The following ITGB2 variants were observed in gnomAD, a reference collection of about 807,000 sequenced individuals.
ITGB2 encodes integrin subunit beta 2.
A neutral mutation model predicts 86.8 loss-of-function variants in ITGB2; 56 were observed. The ratio of observed to expected loss-of-function variants is 0.65; its 90% CI spans 0.52 to 0.81. The LOEUF is 0.81. ITGB2 is among the 30% of genes least tolerant of loss of function. The probability of loss-of-function intolerance (pLI) is 0.00; values close to 1 mark genes in which losing one functional copy is unlikely to be tolerated. For synonymous variants in ITGB2, 457 were observed against 450.4 expected (o/e 1.01, Z -0.19); for missense variants, 948 against 1,061.2 (o/e 0.89, Z 1.48).
Position 44,899,894 on chromosome 21 carries a change from G to A in ITGB2, c.897+426C>T, listed in dbSNP as rs538333121. Reference sequence around the variant, plus strand: ...AGGGAGGGGCCACACTGGAGGAGGCGGACTCAGGGGCAGCAGGGAACGTAC... The same window carrying A: ...AGGGAGGGGCCACACTGGAGGAGGCAGACTCAGGGGCAGCAGGGAACGTAC... On this transcript the variant is annotated intron_variant, in intron 7 of 15. Coordinates refer to ENST00000652462, the MANE Select transcript of ITGB2 (RefSeq NM_000211.5). Among the ~76,000 whole-genome samples, 13 of 152,348 alleles carry A rather than the reference G, an allele frequency of 8.5e-5. No homozygotes were observed. The South Asian group carries it at 1.2e-3, about 15-fold the overall frequency.
chr21:44,889,626 C>T (rs917146758), intron 12 of ITGB2, 131 bp from the exon 13 acceptor site: 40 of 928,520 alleles, frequency 4.3e-5, no homozygotes, highest in Non-Finnish European at 6.5e-5. Flanking sequence ...GAGCAAAAGG[C>T]ATGGGGCCAC....
chr21:44,917,212 G>A (rs59764913), intron 1 of ITGB2, among the ~76,000 whole-genome samples: 6,631 of 152,218 alleles, frequency 0.044, 224 homozygotes, highest in Middle Eastern at 0.1. Context: ...ATGCTTTGGC[G>A]GTTTCGGTGC....
intron 4 of ITGB2, among the ~76,000 whole-genome samples, chr21:44,905,491 C>A (rs952436757): frequency 6.6e-6 from 1 of 152,216 alleles, no homozygotes; most frequent in African/African-American, 2.4e-5. Context: ...TTCCTGACAC[C>A]TCCAGCACCA....
intron 6 of ITGB2, 80 bp from the exon 7 acceptor site, chr21:44,900,555 G>C (rs1376615340): frequency 3.2e-6 from 5 of 1,565,436 alleles, no homozygotes; most frequent in Non-Finnish European, 4.4e-6. Context: ...AGACGATGCA[G>C]AGCTGGTGGG....
intron 7 of ITGB2, 101 bp downstream of exon 7, chr21:44,900,219 T>G: frequency 6.8e-7 from 1 of 1,476,022 alleles, no homozygotes; most frequent in Non-Finnish European, 9.4e-7. Context: ...ATCTGCTCCT[T>G]GGGTCAGAAG....
chr21:44,922,664 A>G (rs1024307946), upstream of ITGB2, among the ~76,000 whole-genome samples: 18 of 151,606 alleles, frequency 1.2e-4, no homozygotes, highest in African/African-American at 3.1e-4. Flanking sequence ...CTGAGAAAAA[A>G]AAAAAAAAAA....
chr21:44,922,658 G>GAAAAAAAAAAAAAAAAAAAAAAAAAAAA (rs10532717), upstream of ITGB2, among the ~76,000 whole-genome samples: 2 of 114,706 alleles, frequency 1.7e-5, no homozygotes, highest in Admixed American at 8.7e-5. Flanking sequence ...GGGTAACTGA[G>GAAAAAAAAAAAAAAAAAAAAAAAAAAAA]AAAAAAAAAA....
At chr21:44,893,271 G>C in intron 10 of ITGB2, 133 bp downstream of exon 10, 1 of 1,088,946 alleles carries the variant, frequency 9.2e-7, no homozygotes, top group Non-Finnish European at 1.4e-6. Context: ...TCAGAGTGCT[G>C]GGATGGGGAC....
intron 8 of ITGB2, among the ~76,000 whole-genome samples, 199 bp downstream of exon 8, chr21:44,898,868 C>A (rs2083905968): frequency 6.6e-6 from 1 of 152,220 alleles, no homozygotes; most frequent in Non-Finnish European, 1.5e-5. Context: ...GGAATTCCTC[C>A]TCCTATCGAC....
At chr21:44,894,833 G>A (rs1458672831) in intron 9 of ITGB2, 138 bp downstream of exon 9, 16 of 716,556 alleles carry the variant, frequency 2.2e-5, no homozygotes, top group East Asian at 1.9e-4. Flanking sequence ...AGGGCAGGTC[G>A]GGAGGCTGCA....
At chr21:44,903,315 C>T (rs2083992385) in intron 5 of ITGB2, 50 bp downstream of exon 5, 3 of 1,610,570 alleles carry the variant, frequency 1.9e-6, no homozygotes, top group Non-Finnish European at 2.5e-6. Flanking sequence ...GCAGGAGTGG[C>T]CAGGGTCTGG....
rs34031498 is a variant in ITGB2 at position 44,902,808 on chromosome 21, TTG to T, written c.499+555_499+556del. Among the ~76,000 whole-genome samples the T allele has an allele frequency of 7.2e-4, 109 of 151,970 alleles. 1 individual carries two copies. Among genetic ancestry groups the T allele is most frequent in the African/African-American group, 2.5e-3 (102 of 41,486 alleles). The stretch of plus-strand genomic sequence containing the variant: ...TGCATTTGTGTGAGCATGCATTTGC[TTG>T]TGTGTGTGTGTGTTATCGTGCATGT... On this transcript the variant is annotated intron_variant, in intron 5 of 15. Coordinates refer to ENST00000652462, the MANE Select transcript of ITGB2 (RefSeq NM_000211.5).
chr21:44,889,682 C>T (rs1004371467), intron 12 of ITGB2, among the ~76,000 whole-genome samples, 187 bp from the exon 13 acceptor site: 1 of 152,202 alleles, frequency 6.6e-6, no homozygotes, highest in Non-Finnish European at 1.5e-5. Flanking sequence ...CGCCTCCTGG[C>T]CAGTCTGGAC....
At position 44,917,218 on chromosome 21, in the gene ITGB2, G is replaced by A. The variant is rs572344820; in HGVS notation, c.-4+3603C>T. 1.6e-4 allele frequency among the ~76,000 whole-genome samples: 24 copies of A among 152,266 alleles called. No homozygotes were observed. The South Asian group carries it at 2.9e-3, about 18-fold the overall frequency. On this transcript the variant is annotated intron_variant, in intron 1 of 15. Transcript: ENST00000652462. Reference sequence around the variant, plus strand: ...ACGTGTAAGATGCTTTGGCGGTTTCGGTGCCTGCGCTATGGAGTCCCACAC... The same window carrying A: ...ACGTGTAAGATGCTTTGGCGGTTTCAGTGCCTGCGCTATGGAGTCCCACAC...
intron 7 of ITGB2, among the ~76,000 whole-genome samples, chr21:44,899,870 GGGAGGGGCCACACT>G (rs1424734065): frequency 1.3e-5 from 2 of 152,356 alleles, no homozygotes; most frequent in East Asian, 1.9e-4. Flanking sequence ...AATGGGGGCA[GGGAGGGGCCACACT>G]GGAGGAGGCG....
Position 44,886,160 on chromosome 21 carries a change from T to C in ITGB2, c.*208A>G, listed in dbSNP as rs960148658. The C allele has an allele frequency of 4.9e-6, 3 of 614,934 alleles. No homozygotes were observed. Among genetic ancestry groups the C allele is most frequent in the Non-Finnish European group, 8.8e-6 (3 of 340,006 alleles). The allele number at this position is 614,934 out of a possible 1,614,324, so 38.1% of individuals were successfully genotyped here. On this transcript the variant is annotated 3_prime_UTR_variant, in exon 16 of 16. Coordinates refer to ENST00000652462, the MANE Select transcript of ITGB2 (RefSeq NM_000211.5). Reference sequence around the variant, plus strand: ...CAAGCCCTCCCTCCTCAAGTCTCCATGCAAAGACTGTGCCAGTCAGAGTGG... The same window carrying C: ...CAAGCCCTCCCTCCTCAAGTCTCCACGCAAAGACTGTGCCAGTCAGAGTGG...
At chr21:44,904,289 C>T (rs2084009844) in intron 4 of ITGB2, among the ~76,000 whole-genome samples, 1 of 151,526 alleles carries the variant, frequency 6.6e-6, no homozygotes, top group Non-Finnish European at 1.5e-5. Context: ...GGTATGTGCC[C>T]CTCCTCACAG....
intron 12 of ITGB2, 48 bp from the exon 13 acceptor site, chr21:44,889,543 G>A (rs368601562): frequency 5.3e-5 from 80 of 1,504,780 alleles, no homozygotes; most frequent in Non-Finnish European, 6.3e-5. Context: ...CCTGGGAACC[G>A]AGACCCGCCC....
At chr21:44,917,114 G>C (rs934711199) in intron 1 of ITGB2, among the ~76,000 whole-genome samples, 1 of 152,136 alleles carries the variant, frequency 6.6e-6, no homozygotes, top group African/African-American at 2.4e-5. Flanking sequence ...GAAGAAAACT[G>C]GCTAAGAAAC....
Sources: allele counts gnomAD v4.1 joint callset (sites outside exome capture counted in the v4.1 genomes callset), GRCh38; gene constraint gnomAD v4.1.1; transcripts MANE v1.5; gene names NCBI Gene and HGNC (gene_info 2026-07-23, HGNC 2026-07-21).